The following FGF3 variants were observed in gnomAD, a reference collection of about 807,000 sequenced individuals.
FGF3 encodes the protein FGF-3.
A neutral mutation model predicts 9.8 loss-of-function variants in FGF3; 7 were observed. That is an observed-to-expected ratio of 0.72 (90% CI 0.41 to 1.35). The LOEUF is 1.35. FGF3 is among the 40% of genes most tolerant of loss of function. The pLI, the probability that FGF3 is intolerant of heterozygous loss-of-function variation, is 0.01. For missense variants in FGF3, 390 were observed against 345.6 expected, an observed-to-expected ratio of 1.13 and a Z score of -1.02; for synonymous variants, 173 against 157.2, an observed-to-expected ratio of 1.10 and a Z score of -0.75.
rs1221660991 is a variant in FGF3 at position 69,810,393 on chromosome 11, C to A, written c.632G>T (p.Arg211Leu). The A allele has an allele frequency of 3.9e-6, 6 of 1,558,040 alleles. No individual in the cohort carries two copies. Among genetic ancestry groups the A allele is most frequent in the Non-Finnish European group, 5.2e-6 (6 of 1,148,434 alleles). Residue 211 changes from arginine to leucine, a missense_variant, in exon 3 of 3, where the codon CGG becomes CTG. Transcript: ENST00000334134. ...PPGKGVQPRR[R>L]RQKQSPDNLE... ...GTTATCCGGGCTCTGCTTCTGCCGC[C>A]GCCGTCGGGGCTGGACCCCCTTACC...
Position 69,816,407 on chromosome 11 carries a change from C to G in FGF3, c.237G>C (p.Thr79=). 6.2e-7 allele frequency: 1 copy of G among 1,613,750 alleles called. No individual in the cohort carries two copies. The highest frequency in any genetic ancestry group is 8.5e-7 in the Non-Finnish European group (1 of 1,179,730). The stretch of plus-strand genomic sequence containing the variant: ...TGGCCACAATGCCCACCTCCACTGC[C>G]GTTATCTCCAAAATACCTAGAAGAA... ...ENSAYSILEI[T]AVEVGIVAIR... is the part of the protein sequence containing the mutation. The change falls in exon 2 of 3, where the codon ACG becomes ACC. Residue 79 remains threonine, a synonymous_variant. Coordinates refer to ENST00000334134, the MANE Select transcript of FGF3 (RefSeq NM_005247.4).
At chr11:69,816,006 T>C (rs1339110989) in intron 2 of FGF3, among the ~76,000 whole-genome samples, 2 of 152,112 alleles carry the variant, frequency 1.3e-5, no homozygotes, top group Non-Finnish European at 2.9e-5. Flanking sequence ...TGGAGAACAA[T>C]CACTTCCCTG....
In FGF3 at chr11:69,818,714, T is replaced by C. The variant is rs1554981382; in HGVS notation, c.220A>G (p.Ser74Gly). ...GGGCCCCGCAGCGTCCGGCACTCAC[T>C]GTAGGCGCTGTTCTCCAGGCTGCCG... Reference protein sequence around the residue: ...VNGSLENSAYSILEITAVEVG... With the variant: ...VNGSLENSAYGILEITAVEVG... The change falls in exon 1 of 3, where the codon AGT (serine) becomes GGT (glycine). Residue 74 changes from serine (S) to glycine (G), a missense_variant and splice_region_variant. Physicochemically the swap from Ser to Gly is moderately conservative, Grantham distance 56 (BLOSUM62 0). Transcript: ENST00000334134. 4 of 1,485,076 alleles carry C rather than the reference T, an allele frequency of 2.7e-6. No individual in the cohort carries two copies. The highest frequency in any genetic ancestry group is 2.9e-5 in the East Asian group (1 of 34,914). 92.0% of individuals were successfully genotyped at this position (1,485,076 alleles called of 1,614,324 possible).
chr11:69,814,691 C>T (rs1286875437), intron 2 of FGF3, among the ~76,000 whole-genome samples: 1 of 152,138 alleles, frequency 6.6e-6, no homozygotes, highest in African/African-American at 2.4e-5. Context: ...ACTATGCCTC[C>T]CAGGTTGTCT....
chr11:69,818,683 C>A lies in FGF3; in HGVS notation c.220+31G>T, dbSNP rs1239239182. The A allele has an allele frequency of 7.7e-6, 11 of 1,433,676 alleles. No individual in the cohort carries two copies. The East Asian group carries it at 3.4e-4, about 44-fold the overall frequency. 88.8% of individuals were successfully genotyped at this position (1,433,676 alleles called of 1,614,324 possible). ...GGCCCGACCCCTCCCGGCGCCGCTT[C>A]CCCCGGGGCCCCGCAGCGTCCGGCA... On this transcript the variant is annotated intron_variant, in intron 1 of 2. Transcript: ENST00000334134.
chr11:69,810,027 G>T lies in FGF3; in HGVS notation c.*278C>A. The T allele has an allele frequency of 2.2e-6, 1 of 447,102 alleles. No homozygotes were observed. 27.7% of individuals were successfully genotyped at this position (447,102 alleles called of 1,614,324 possible). A position where few individuals can be genotyped will look rare whatever the true frequency, so the allele number is the denominator to read the frequency against. On this transcript the variant is annotated 3_prime_UTR_variant, in exon 3 of 3. Transcript: ENST00000334134. ...AGCCCCACACTGCCCCGCTGCTCCT[G>T]GGAGGCTCCTCAGTCTGCCAGGGCT...
chr11:69,814,173 T>C (rs1856090694), intron 2 of FGF3, among the ~76,000 whole-genome samples: 1 of 151,850 alleles, frequency 6.6e-6, no homozygotes, highest in South Asian at 2.1e-4. Context: ...GACAAACAGA[T>C]GGACTGGAGG....
chr11:69,810,387 T>C lies in FGF3; in HGVS notation c.638A>G (p.Gln213Arg). 6.4e-7 allele frequency: 1 copy of C among 1,559,570 alleles called. No homozygotes were observed. The highest frequency in any genetic ancestry group is 8.7e-7 in the Non-Finnish European group (1 of 1,149,208). The change falls in exon 3 of 3, where the codon CAG becomes CGG. Residue 213 changes from glutamine (Q) to arginine (R), a missense_variant. Transcript: ENST00000334134. ...GKGVQPRRRRQKQSPDNLEPS... is the reference protein window; with the variant it reads ...GKGVQPRRRRRKQSPDNLEPS... ...CTCCAGGTTATCCGGGCTCTGCTTC[T>C]GCCGCCGCCGTCGGGGCTGGACCCC... is the stretch of plus-strand genomic sequence containing the variant.
Position 69,810,577 on chromosome 11 carries a change from C to T in FGF3, c.448G>A (p.Glu150Lys), listed in dbSNP as rs200088042. The T allele has an allele frequency of 3.8e-5, 61 of 1,611,848 alleles. No homozygotes were observed. The African/African-American group carries it at 3.9e-4, about 10-fold the overall frequency. The change falls in exon 3 of 3, where the codon GAG becomes AAG. Residue 150 changes from glutamate to lysine, a missense_variant. Coordinates refer to ENST00000334134, the MANE Select transcript of FGF3 (RefSeq NM_005247.4). ...TPGARRQPSA[E>K]RLWYVSVNGK... is the part of the protein sequence containing the mutation. ...TTCACAGACACGTACCACAGTCTCT[C>T]GGCGCTGGGCTGCCGGCGGGCCCCA...
Position 69,810,551 on chromosome 11 carries a change from G to T in FGF3, c.474C>A (p.Asn158Lys). Reference sequence around the variant, plus strand: ...AGCCCCTGCGGGGCCGGCCCTTGCCGTTCACAGACACGTACCACAGTCTCT... The same window carrying T: ...AGCCCCTGCGGGGCCGGCCCTTGCCTTTCACAGACACGTACCACAGTCTCT... ...SAERLWYVSV[N>K]GKGRPRRGFK... Residue 158 changes from asparagine to lysine, a missense_variant, in exon 3 of 3, where the codon AAC (asparagine) becomes AAA (lysine). Transcript: ENST00000334134. The T allele has an allele frequency of 1.2e-6, 2 of 1,612,800 alleles. No homozygotes were observed. The highest frequency in any genetic ancestry group is 2.2e-5 in the East Asian group (1 of 44,856).
intron 2 of FGF3, among the ~76,000 whole-genome samples, chr11:69,811,155 G>T (rs981124145): frequency 3.3e-5 from 5 of 152,182 alleles, no homozygotes; most frequent in African/African-American, 4.8e-5. Flanking sequence ...CTCTTTTAAA[G>T]AAATTGCAGA....
intron 2 of FGF3, among the ~76,000 whole-genome samples, chr11:69,812,083 C>T (rs1167068001): frequency 6.6e-6 from 1 of 152,168 alleles, no homozygotes; most frequent in Non-Finnish European, 1.5e-5. Flanking sequence ...GGATGACTGA[C>T]AGGAGCTGCT....
intron 2 of FGF3, among the ~76,000 whole-genome samples, chr11:69,813,349 TG>T (rs1856057754): frequency 6.6e-6 from 1 of 152,042 alleles, no homozygotes; most frequent in Admixed American, 6.5e-5. Context: ...TGGGAGCAGA[TG>T]GCACCTGGGC....
At position 69,810,334 on chromosome 11, in the gene FGF3, C is replaced by A; in HGVS notation, c.691G>T (p.Gly231Cys). The A allele has an allele frequency of 6.4e-7, 1 of 1,568,534 alleles. No individual in the cohort carries two copies. The highest frequency in any genetic ancestry group is 8.7e-7 in the Non-Finnish European group (1 of 1,151,752). ...EPSHVQASRL[G>C]SQLEASAH ...TGCGCACTGGCCTCCAGCTGGGAGCCCAGTCTCGAAGCCTGAACGTGAGAG... is the reference window on the plus strand; with the variant it reads ...TGCGCACTGGCCTCCAGCTGGGAGCACAGTCTCGAAGCCTGAACGTGAGAG... Residue 231 changes from glycine to cysteine, a missense_variant, in exon 3 of 3, where the codon GGC (glycine) becomes TGC (cysteine). Gly to Cys is a radical substitution (Grantham distance 159). Transcript: ENST00000334134.
chr11:69,810,829 C>A (rs1856019019), intron 2 of FGF3, 129 bp from the exon 3 acceptor site: 1 of 711,174 alleles, frequency 1.4e-6, no homozygotes, highest in East Asian at 3.1e-5. Context: ...AGCGCACTCT[C>A]AGCCAGTCAC....
chr11:69,818,087 C>G (rs1361669379), intron 1 of FGF3, among the ~76,000 whole-genome samples: 1 of 143,696 alleles, frequency 7.0e-6, no homozygotes, highest in Non-Finnish European at 1.6e-5. Context: ...CAGATTCCAG[C>G]GCGGGGAATA....
intron 2 of FGF3, among the ~76,000 whole-genome samples, chr11:69,812,181 G>T (rs547552614): frequency 1.3e-5 from 2 of 152,254 alleles, no homozygotes; most frequent in African/African-American, 4.8e-5. Context: ...GGGACTGGCC[G>T]CAGGGAGGAG....
intron 2 of FGF3, among the ~76,000 whole-genome samples, chr11:69,815,832 C>T (rs1480280155): frequency 1.3e-5 from 2 of 152,232 alleles, no homozygotes; most frequent in East Asian, 1.9e-4. Flanking sequence ...GGGACATGGG[C>T]GCCATCCCCC....
chr11:69,815,732 C>T (rs1856120831), intron 2 of FGF3, among the ~76,000 whole-genome samples: 2 of 152,172 alleles, frequency 1.3e-5, no homozygotes, highest in African/African-American at 2.4e-5. Flanking sequence ...GCCATACCCA[C>T]AGAGTAAGGA....
Sources: gnomAD v4.1 joint callset for allele counts (sites outside exome capture counted in the v4.1 genomes callset) on GRCh38, gnomAD v4.1.1 for gene constraint, MANE v1.5 for transcripts, NCBI Gene and HGNC (gene_info 2026-07-23, HGNC 2026-07-21) for gene names.